Variants in TRIM37 observed in about 807,000 individuals in gnomAD.
TRIM37 encodes tripartite motif containing 37, also known as E3 ubiquitin-protein ligase TRIM37.
In TRIM37, 80 loss-of-function variants were observed where a neutral mutation model predicts 129.8. The observed-to-expected ratio is 0.62, with a 90% CI of 0.51 to 0.74. The LOEUF is 0.74. Ranked by LOEUF, TRIM37 falls within the 30% of genes least tolerant of loss-of-function variation. The pLI is 0.00. For missense variants in TRIM37, 1,054 were observed against 1,176.5 expected (o/e 0.90, Z 1.52); for synonymous variants, 389 against 387.1 (o/e 1.00, Z -0.06).
chr17:58,998,959 A>T lies in TRIM37; in HGVS notation c.*418T>A. 1 of 1,035,796 alleles carries T rather than the reference A, an allele frequency of 9.7e-7. No homozygotes were observed. Among genetic ancestry groups the T allele is most frequent in the African/African-American group, 1.7e-5 (1 of 57,910 alleles). 64.2% of individuals were successfully genotyped at this position (1,035,796 alleles called of 1,614,324 possible). On this transcript the variant is annotated 3_prime_UTR_variant, in exon 24 of 24. Transcript: ENST00000262294. ...TGGAACTGTAATTAAAACCCCAAATATAAAGATGATTATTTAAACACAACT... is the reference window on the plus strand; with the variant it reads ...TGGAACTGTAATTAAAACCCCAAATTTAAAGATGATTATTTAAACACAACT...
At chr17:58,972,510 C>G in the TRIM37 span, among the ~76,000 whole-genome samples, 24 of 152,232 alleles carry the variant, frequency 1.6e-4, no homozygotes, top group African/African-American at 5.8e-4. Flanking sequence ...GCCACCACGC[C>G]CAGCTAATTT....
At chr17:58,981,204 A>G (rs2031338779), downstream of TRIM37, 6 of 577,730 alleles carry the variant, frequency 1.0e-5, no homozygotes, top group South Asian at 1.6e-4. Flanking sequence ...TTTCAATCTA[A>G]AAAGAAGTAT....
At position 59,061,023 on chromosome 17, in the gene TRIM37, ACTT is replaced by A. The variant is rs1407424224; in HGVS notation, c.1019+6_1019+8del. On this transcript the variant is annotated splice_donor_region_variant and intron_variant, in intron 12 of 23. Transcript: ENST00000262294. ...CACATTAAGGTTGTTATTTAATTAC[ACTT>A]CTTACTTAGAAGTTTCAGGCAAGCC... is the stretch of plus-strand genomic sequence containing the variant. The A allele has an allele frequency of 1.2e-6, 2 of 1,609,922 alleles. No homozygotes were observed. The highest frequency in any genetic ancestry group is 2.7e-5 in the African/African-American group (2 of 74,848).
downstream of TRIM37, chr17:58,980,849 C>A: frequency 1.9e-6 from 3 of 1,614,160 alleles, no homozygotes; most frequent in Non-Finnish European, 2.5e-6. The surrounding 1 kb of genome is among the most constrained non-coding windows in gnomAD (Gnocchi z 4.7). Context: ...TGCTCAAGAG[C>A]CTTCCCACAA....
intron 10 of TRIM37, among the ~76,000 whole-genome samples, chr17:59,063,608 T>C (rs2041685990): frequency 6.6e-6 from 1 of 152,212 alleles, no homozygotes; most frequent in Non-Finnish European, 1.5e-5. Context: ...TGTTACGATC[T>C]TCACTTCTGA....
At chr17:59,056,776 T>G in intron 13 of TRIM37, 99 bp downstream of exon 13, 1 of 756,882 alleles carries the variant, frequency 1.3e-6, no homozygotes, top group South Asian at 1.4e-5. Flanking sequence ...AGTATGAATT[T>G]CAATATTCAT....
Position 59,023,056 on chromosome 17 carries a change from T to G in TRIM37, c.2257+5359A>C, listed in dbSNP as rs186806284. Among the ~76,000 whole-genome samples the G allele has an allele frequency of 2.0e-5, 3 of 152,176 alleles. No individual in the cohort carries two copies. The East Asian group carries it at 5.8e-4, about 29-fold the overall frequency. On this transcript the variant is annotated intron_variant, in intron 19 of 23. Coordinates refer to ENST00000262294, the MANE Select transcript of TRIM37 (RefSeq NM_015294.6). ...GAATCTATTACTATAAATAGAAGGA[T>G]GTACCTTTTAACTTTTTTATTTATT...
At chr17:59,002,778 GA>G (rs1189267796) in intron 22 of TRIM37, among the ~76,000 whole-genome samples, 2 of 152,198 alleles carry the variant, frequency 1.3e-5, no homozygotes, top group Non-Finnish European at 2.9e-5. Context: ...TTGCCCTGGA[GA>G]GCTTCCTGTG....
intron 13 of TRIM37, among the ~76,000 whole-genome samples, chr17:59,056,478 C>T (rs2146336494): frequency 6.6e-6 from 1 of 151,716 alleles, no homozygotes; most frequent in South Asian, 2.1e-4. Context: ...GCCTGTAATC[C>T]CAGCACTTTG....
At chr17:58,981,141 A>G, downstream of TRIM37, 1 of 736,358 alleles carries the variant, frequency 1.4e-6, no homozygotes, top group Admixed American at 3.0e-5. Context: ...GAATCCATGG[A>G]TGGCTCAATT....
At chr17:58,982,750 C>A (rs778545325) in exon 25 of TRIM37, 2 of 561,536 alleles carry the variant, frequency 3.6e-6, no homozygotes, top group South Asian at 5.9e-5. Flanking sequence ...CTTCTTCTCA[C>A]GTCTGTGACA....
In TRIM37 at chr17:59,075,631, T is replaced by G; in HGVS notation, c.684+16A>C. On this transcript the variant is annotated intron_variant, in intron 8 of 23. Coordinates refer to ENST00000262294, the MANE Select transcript of TRIM37 (RefSeq NM_015294.6). ...AAAGGATAAAGACTATTTCATTACA[T>G]TTAATATTTCATCACCTGGTGCTCC... is the stretch of plus-strand genomic sequence containing the variant. The G allele has an allele frequency of 6.4e-7, 1 of 1,557,806 alleles. No homozygotes were observed. Among genetic ancestry groups the G allele is most frequent in the Non-Finnish European group, 8.8e-7 (1 of 1,131,640 alleles).
chr17:59,042,449 A>AATATATAT (rs71145518), intron 16 of TRIM37, among the ~76,000 whole-genome samples: 13 of 36,036 alleles, frequency 3.6e-4, no homozygotes, highest in African/African-American at 1.1e-3. Context: ...AAAAAAAAAA[A>AATATATAT]ATATATATAT....
chr17:58,973,675 G>A, the TRIM37 span, among the ~76,000 whole-genome samples: 11 of 150,194 alleles, frequency 7.3e-5, no homozygotes, highest in South Asian at 2.1e-4. Context: ...AACAAAGGCC[G>A]GGCGCAGTGG....
rs778383295 is a variant in TRIM37 at position 59,062,640 on chromosome 17, C to T, written c.869G>A (p.Arg290His). 7 of 1,613,798 alleles carry T rather than the reference C, an allele frequency of 4.3e-6. No individual in the cohort carries two copies. Among genetic ancestry groups the T allele is most frequent in the African/African-American group, 2.7e-5 (2 of 74,914 alleles). The change falls in exon 11 of 24, where the codon CGT becomes CAT. Residue 290 changes from arginine to histidine, a missense_variant. Physicochemically the swap from Arg to His is conservative, Grantham distance 29. Coordinates refer to ENST00000262294, the MANE Select transcript of TRIM37 (RefSeq NM_015294.6). ...ACTGTAAACAGGATCTGCTCTCTGACGCAAAGTGCTAACGAAAAAGAAAAC... is the reference window on the plus strand; with the variant it reads ...ACTGTAAACAGGATCTGCTCTCTGATGCAAAGTGCTAACGAAAAAGAAAAC... ...TFVLENFSTL[R>H]QRADPVYSPP... is the part of the protein sequence containing the mutation.
At chr17:58,982,871 C>A in exon 25 of TRIM37, 5 of 1,557,584 alleles carry the variant, frequency 3.2e-6, no homozygotes, top group Non-Finnish European at 3.5e-6. Context: ...CCTTCTGAAG[C>A]CTAGATCTTG....
chr17:59,055,794 G>A (rs1022447734), intron 13 of TRIM37, among the ~76,000 whole-genome samples: 5 of 151,848 alleles, frequency 3.3e-5, no homozygotes, highest in African/African-American at 1.2e-4. Context: ...GTGGGAGGAG[G>A]GAGAGGATAA....
At chr17:59,034,618 C>T (rs889533928) in intron 17 of TRIM37, among the ~76,000 whole-genome samples, 3 of 151,976 alleles carry the variant, frequency 2.0e-5, no homozygotes, top group African/African-American at 4.8e-5. Flanking sequence ...CCTCAGCCTC[C>T]GAAAGTGCTG....
chr17:59,044,287 G>C (rs2039545550), intron 16 of TRIM37, among the ~76,000 whole-genome samples: 2 of 152,152 alleles, frequency 1.3e-5, no homozygotes, highest in Non-Finnish European at 2.9e-5. Context: ...TCCAGCTTGG[G>C]TGACAGGGCA....
Sources: gnomAD v4.1 joint callset for allele counts (sites outside exome capture counted in the v4.1 genomes callset) on GRCh38, gnomAD v4.1.1 for gene constraint, Gnocchi (gnomAD v3.1) non-coding constraint, MANE v1.5 for transcripts, NCBI Gene and HGNC (gene_info 2026-07-23, HGNC 2026-07-21) for gene names.